The following AFP variants were observed in gnomAD, a reference collection of about 807,000 sequenced individuals.
The protein encoded by AFP is alpha fetoprotein.
In AFP, 64 loss-of-function variants were observed where a neutral mutation model predicts 78.9. The observed-to-expected ratio is 0.81, with a 90% CI of 0.66 to 1.00. The LOEUF is 1.00. AFP is among the 50% of genes least tolerant of loss of function. The probability of loss-of-function intolerance (pLI) is 0.00; values close to 1 mark genes in which losing one functional copy is unlikely to be tolerated. For synonymous variants in AFP, 254 were observed against 243.8 expected, an observed-to-expected ratio of 1.04 and a Z score of -0.39; for missense variants, 689 against 703.8, an observed-to-expected ratio of 0.98 and a Z score of 0.24.
rs1012869549 is a variant in AFP at position 73,452,257 on chromosome 4, T to C, written c.1429-144T>C. On this transcript the variant is annotated intron_variant, in intron 11 of 14. Transcript: ENST00000395792. ...CTGGAATTTACAATATAATGTCACATGATCCTACATAGCAAATTTTCCTGT... is the reference window on the plus strand; with the variant it reads ...CTGGAATTTACAATATAATGTCACACGATCCTACATAGCAAATTTTCCTGT... The C allele has an allele frequency of 1.8e-5, 13 of 723,006 alleles. No homozygotes were observed. In the East Asian group the frequency reaches 3.2e-4, roughly 18 times the overall value. The allele number at this position is 723,006 out of a possible 1,614,324, so 44.8% of individuals were successfully genotyped here.
chr4:73,451,011 C>T (rs148198349), intron 11 of AFP, among the ~76,000 whole-genome samples: 194 of 152,282 alleles, frequency 1.3e-3, no homozygotes, highest in African/African-American at 4.5e-3. Flanking sequence ...CTTTATATAT[C>T]GGAAAGACAG....
At chr4:73,455,126 CTTAG>C (rs1033807218) in intron 13 of AFP, 106 bp from the exon 14 acceptor site, 9 of 869,954 alleles carry the variant, frequency 1.0e-5, no homozygotes, top group Admixed American at 1.9e-5. Flanking sequence ...TCATTTTTAA[CTTAG>C]TTAATCTACA....
At chr4:73,448,220 C>G (rs1223721746) in intron 8 of AFP, among the ~76,000 whole-genome samples, 1 of 152,050 alleles carries the variant, frequency 6.6e-6, no homozygotes, top group Non-Finnish European at 1.5e-5. Context: ...ATTTGCAGTA[C>G]AGTAGTTTGT....
At position 73,440,670 on chromosome 4, in the gene AFP, C is replaced by A; in HGVS notation, c.339C>A (p.Cys113Ter). 1 of 1,614,172 alleles carries A rather than the reference C, an allele frequency of 6.2e-7. No individual in the cohort carries two copies. The highest frequency in any genetic ancestry group is 8.5e-7 in the Non-Finnish European group (1 of 1,180,012). The change falls in exon 4 of 15, where the codon TGC (cysteine) becomes TGA (stop). Residue 113 changes from cysteine to a stop codon, truncating the protein, a stop_gained. Transcript: ENST00000395792. LOFTEE classifies it high-confidence loss of function. ...EILEKYGHSD[C>*]CSQSEEGRHN... ...TGGAGAAGTACGGACATTCAGACTG[C>A]TGCAGCCAAAGTGAAGAGGGAAGAC...
chr4:73,447,654 G>GAA lies in AFP; in HGVS notation c.1042_1043dup (p.Asn348LysfsTer23), dbSNP rs779815391. 6.2e-7 allele frequency: 1 copy of GAA among 1,610,524 alleles called. No homozygotes were observed. The highest frequency in any genetic ancestry group is 8.5e-7 in the Non-Finnish European group (1 of 1,178,902). On this transcript the variant is annotated frameshift_variant, in exon 8 of 15. Transcript: ENST00000395792. LOFTEE classifies it high-confidence loss of function. ...AGATTTTAACCAATTTTCTTCAGGG[G>GAA]AAAAAAATATCTTCTTGGCAAGGTA...
intron 14 of AFP, 136 bp from the exon 15 acceptor site, chr4:73,455,495 T>C (rs1437012669): frequency 1.6e-6 from 1 of 642,478 alleles, no homozygotes; most frequent in Non-Finnish European, 2.8e-6. Context: ...TTTTGGTTAT[T>C]TAAAAGACTT....
In AFP at chr4:73,449,425, G is replaced by A; in HGVS notation, c.1149G>A (p.Lys383=). ...VAKGYQELLE[K]CFQTENPLEC... Reference sequence around the variant, plus strand: ...AAGGATACCAGGAGTTATTGGAGAAGTGTTTCCAGACTGAAAACCCTCTTG... The same window carrying A: ...AAGGATACCAGGAGTTATTGGAGAAATGTTTCCAGACTGAAAACCCTCTTG... The change falls in exon 9 of 15, where the codon AAG becomes AAA. Residue 383 remains lysine (K), a synonymous_variant. Transcript: ENST00000395792. 1 of 1,613,590 alleles carries A rather than the reference G, an allele frequency of 6.2e-7. No homozygotes were observed. The highest frequency in any genetic ancestry group is 8.5e-7 in the Non-Finnish European group (1 of 1,179,670).
At chr4:73,452,740 A>G (rs1577959825) in intron 12 of AFP, 116 bp downstream of exon 12, 1 of 839,834 alleles carries the variant, frequency 1.2e-6, no homozygotes, top group Non-Finnish European at 2.0e-6. Flanking sequence ...TACTCCCAAA[A>G]CACTTAAAAT....
Position 73,453,749 on chromosome 4 carries a change from T to C in AFP, c.1653-16T>C. ...TAACAGACTTCTCTTGTATTTTGTT[T>C]TGTTTTAAATCACAGGTTTCTCATT... is the stretch of plus-strand genomic sequence containing the variant. On this transcript the variant is annotated splice_polypyrimidine_tract_variant and intron_variant, in intron 12 of 14. Coordinates refer to ENST00000395792, the MANE Select transcript of AFP (RefSeq NM_001134.3). 2.5e-6 allele frequency: 4 copies of C among 1,612,676 alleles called. No homozygotes were observed. The highest frequency in any genetic ancestry group is 3.4e-6 in the Non-Finnish European group (4 of 1,179,050).
chr4:73,442,698 G>A (rs1277625505), intron 5 of AFP, among the ~76,000 whole-genome samples: 1 of 152,166 alleles, frequency 6.6e-6, no homozygotes. Context: ...GAGAGAAAGA[G>A]AGGGTGCTAT....
Position 73,453,854 on chromosome 4 carries a change from A to C in AFP, c.1742A>C (p.Lys581Thr). ...GCAGATTTCTCAGGCCTGTTGGAGA[A>C]ATGCTGCCAAGGCCAGGAACAGGAA... ...VIADFSGLLE[K>T]CCQGQEQEVC... The change falls in exon 13 of 15, where the codon AAA becomes ACA. Residue 581 changes from lysine to threonine, a missense_variant. Coordinates refer to ENST00000395792, the MANE Select transcript of AFP (RefSeq NM_001134.3). 1.2e-6 allele frequency: 2 copies of C among 1,613,832 alleles called. No homozygotes were observed. The highest frequency in any genetic ancestry group is 1.7e-6 in the Non-Finnish European group (2 of 1,179,778).
rs1346960405 is a variant in AFP at position 73,440,695 on chromosome 4, C to A, written c.364C>A (p.His122Asn). The A allele has an allele frequency of 1.9e-6, 3 of 1,614,122 alleles. No homozygotes were observed. In the South Asian group the frequency reaches 3.3e-5, roughly 18 times the overall value. ...CTGCAGCCAAAGTGAAGAGGGAAGA[C>A]ATAACTGTTTTCTTGCACACAAAAA... The part of the protein sequence containing the change: ...DCCSQSEEGR[H>N]NCFLAHKKPT... Residue 122 changes from histidine to asparagine, a missense_variant, in exon 4 of 15, where the codon CAT (histidine) becomes AAT (asparagine). Transcript: ENST00000395792.
intron 4 of AFP, 30 bp downstream of exon 4, chr4:73,440,843 A>G: frequency 1.9e-6 from 3 of 1,590,212 alleles, no homozygotes; most frequent in Non-Finnish European, 2.6e-6. Context: ...GTAGATGCAA[A>G]CCTCAGAAAC....
chr4:73,453,460 A>C (rs1720066088), intron 12 of AFP: 2 of 344,616 alleles, frequency 5.8e-6, no homozygotes, highest in Admixed American at 8.0e-5. Flanking sequence ...ACAGTTAAGA[A>C]GAGCGGACAG....
intron 12 of AFP, 87 bp from the exon 13 acceptor site, chr4:73,453,678 C>T (rs1720076158): frequency 2.0e-5 from 30 of 1,494,828 alleles, no homozygotes; most frequent in Non-Finnish European, 2.6e-5. Context: ...AGGGTTTAGG[C>T]TCTGAAAATT....
chr4:73,450,188 G>C, intron 10 of AFP, 55 bp downstream of exon 10: 1 of 1,354,092 alleles, frequency 7.4e-7, no homozygotes, highest in Non-Finnish European at 1.0e-6. Context: ...AGAGAATGTA[G>C]CCTTCCCCAT....
At position 73,453,803 on chromosome 4, in the gene AFP, C is replaced by T; in HGVS notation, c.1691C>T (p.Thr564Ile). 6.2e-7 allele frequency: 1 copy of T among 1,613,738 alleles called. No homozygotes were observed. Among genetic ancestry groups the T allele is most frequent in the African/African-American group, 1.3e-5 (1 of 75,014 alleles). ...CTTGTGAAGCAAAAGCCACAAATAA[C>T]AGAGGAACAACTTGAGGCTGTCATT... ...INLVKQKPQI[T>I]EEQLEAVIAD... Residue 564 changes from threonine to isoleucine, a missense_variant, in exon 13 of 15, where the codon ACA becomes ATA. Transcript: ENST00000395792.
At chr4:73,452,764 G>T in intron 12 of AFP, 140 bp downstream of exon 12, 3 of 767,186 alleles carry the variant, frequency 3.9e-6, no homozygotes, top group Non-Finnish European at 6.6e-6. Context: ...TTTGAAAATA[G>T]TTTTGTCTCA....
intron 11 of AFP, among the ~76,000 whole-genome samples, chr4:73,450,987 A>T (rs998611550): frequency 1.2e-4 from 19 of 152,202 alleles, no homozygotes; most frequent in African/African-American, 3.9e-4. Context: ...TTTAGTCAAC[A>T]ATATCTGAGC....
Sources: gnomAD v4.1 joint callset for allele counts (sites outside exome capture counted in the v4.1 genomes callset) on GRCh38, gnomAD v4.1.1 for gene constraint, MANE v1.5 for transcripts, NCBI Gene and HGNC (gene_info 2026-07-23, HGNC 2026-07-21) for gene names.